The following SP3 variants were observed in gnomAD, a reference collection of about 807,000 sequenced individuals.
SP3 encodes the protein transcription factor Sp3.
A neutral mutation model predicts 70.3 loss-of-function variants in SP3; 10 were observed. The ratio of observed to expected loss-of-function variants is 0.14; its 90% CI spans 0.09 to 0.24. The LOEUF (loss-of-function observed/expected upper bound fraction) is 0.24, where lower values mean the gene tolerates loss of function less well. Ranked by LOEUF, SP3 falls within the 10% of genes least tolerant of loss-of-function variation. SP3 has a pLI of 1.00. For synonymous variants in SP3, 402 were observed against 333.5 expected (o/e 1.21, Z -2.24); for missense variants, 825 against 914.6 (o/e 0.90, Z 1.26).
chr2:173,956,924 T>TAC (rs1436137609), intron 3 of SP3, among the ~76,000 whole-genome samples: 1 of 152,176 alleles, frequency 6.6e-6, no homozygotes, highest in Non-Finnish European at 1.5e-5. Flanking sequence ...CAGTAGAATG[T>TAC]CTGGCATATA....
At chr2:173,915,301 T>C (rs542842073) in intron 5 of SP3, 2 of 152,248 alleles carry the variant, frequency 1.3e-5, no homozygotes, top group African/African-American at 4.8e-5. Context: ...CCCAAAATTC[T>C]ATTTAAAAAG....
intron 4 of SP3, among the ~76,000 whole-genome samples, chr2:173,930,019 G>A (rs1320663364): frequency 6.6e-6 from 1 of 152,138 alleles, no homozygotes; most frequent in Non-Finnish European, 1.5e-5. Context: ...CCATGAGACA[G>A]TGTGTCTATT....
chr2:173,923,975 C>G (rs1027289982), intron 4 of SP3, among the ~76,000 whole-genome samples: 1 of 151,682 alleles, frequency 6.6e-6, no homozygotes, highest in Non-Finnish European at 1.5e-5. Flanking sequence ...GGGGATAGTT[C>G]TAAATTATAG....
intron 6 of SP3, 52 bp from the exon 7 acceptor site, chr2:173,910,309 C>T (rs752461834): frequency 2.7e-6 from 4 of 1,471,698 alleles, no homozygotes; most frequent in Non-Finnish European, 3.8e-6. Flanking sequence ...ACTTTAATAG[C>T]TCAATCATCT....
chr2:173,964,770 T>G, intron 1 of SP3: 1 of 408,336 alleles, frequency 2.4e-6, no homozygotes, highest in Non-Finnish European at 4.3e-6. Flanking sequence ...CCTCCTCCTC[T>G]TTCCCTCCTC....
chr2:173,965,133 G>A lies in SP3; in HGVS notation c.7+32C>T, dbSNP rs760376194. 3.2e-5 allele frequency: 50 copies of A among 1,547,746 alleles called. No homozygotes were observed. The South Asian group carries it at 5.7e-4, about 18-fold the overall frequency. ...GTCGGCGGCAGCGGCGGCGGCGGCA[G>A]CAGCAAGGGTTGCTCTCTCGGCTTT... On this transcript the variant is annotated intron_variant, in intron 1 of 6. Transcript: ENST00000310015.
intron 4 of SP3, among the ~76,000 whole-genome samples, chr2:173,941,127 TAA>T (rs71021605): frequency 0.11 from 10,137 of 92,808 alleles, 538 homozygotes; most frequent in African/African-American, 0.21. Flanking sequence ...ACAACACGAG[TAA>T]AAAAAAAAAA....
At chr2:173,935,388 A>C (rs1195340552) in intron 4 of SP3, among the ~76,000 whole-genome samples, 1 of 152,204 alleles carries the variant, frequency 6.6e-6, no homozygotes, top group Non-Finnish European at 1.5e-5. Flanking sequence ...GAAAATAGTA[A>C]GACAAAACCA....
chr2:173,919,832 T>C (rs367914129), intron 4 of SP3, among the ~76,000 whole-genome samples: 49 of 152,250 alleles, frequency 3.2e-4, no homozygotes, highest in African/African-American at 4.6e-4. Context: ...ATATACCCTA[T>C]AGCTCAAACA....
At chr2:173,931,393 G>A (rs139961022) in intron 4 of SP3, among the ~76,000 whole-genome samples, 5,607 of 152,152 alleles carry the variant, frequency 0.037, 372 homozygotes, top group African/African-American at 0.13. Context: ...TCCCAGGCTG[G>A]AGTGCAGTGG....
At chr2:173,957,530 G>A (rs1201126567) in intron 3 of SP3, among the ~76,000 whole-genome samples, 1 of 152,118 alleles carries the variant, frequency 6.6e-6, no homozygotes, top group Non-Finnish European at 1.5e-5. Flanking sequence ...ATAATATGCA[G>A]TTTGGAGTTG....
At chr2:173,950,027 A>G (rs1416204256) in intron 4 of SP3, among the ~76,000 whole-genome samples, 5 of 152,182 alleles carry the variant, frequency 3.3e-5, no homozygotes, top group African/African-American at 1.2e-4. Context: ...CAGCAACGAT[A>G]AAGTAAAAAT....
At chr2:173,915,900 T>C (rs758106714) in intron 5 of SP3, 2 of 152,054 alleles carry the variant, frequency 1.3e-5, no homozygotes, top group Non-Finnish European at 2.9e-5. Context: ...ACAAATAAAA[T>C]TTACTTCTCT....
intron 4 of SP3, among the ~76,000 whole-genome samples, chr2:173,923,674 A>C (rs1689824196): frequency 6.6e-6 from 1 of 152,050 alleles, no homozygotes; most frequent in Non-Finnish European, 1.5e-5. Flanking sequence ...TGTGCCATTA[A>C]GATTTTGTTG....
chr2:173,921,996 C>T (rs561474881), intron 4 of SP3, among the ~76,000 whole-genome samples: 15 of 152,256 alleles, frequency 9.9e-5, no homozygotes, highest in African/African-American at 3.6e-4. Flanking sequence ...TTCTTGAGGC[C>T]TTCCCAGACC....
At chr2:173,945,978 T>C (rs1690523417) in intron 4 of SP3, among the ~76,000 whole-genome samples, 1 of 151,922 alleles carries the variant, frequency 6.6e-6, no homozygotes, top group African/African-American at 2.4e-5. Flanking sequence ...AACACAAAAA[T>C]TAGCCAGGCA....
rs1445242312 is a variant in SP3, at chr2:173,905,260, A to T, written c.*4681T>A. On this transcript the variant is annotated 3_prime_UTR_variant, in exon 7 of 7. Coordinates refer to ENST00000310015, the MANE Select transcript of SP3 (RefSeq NM_003111.5). ...CAGAAAAATGGAATCTCCAGAGTTA[A>T]GGGGGGAGGAAGGCATTGGAAGGAG... Among the ~76,000 whole-genome samples, 2 of 152,184 alleles carry T rather than the reference A, an allele frequency of 1.3e-5. No homozygotes were observed. The highest frequency in any genetic ancestry group is 2.9e-5 in the Non-Finnish European group (2 of 68,034).
At position 173,954,854 on chromosome 2, in the gene SP3, G is replaced by C. The variant is rs775775490; in HGVS notation, c.1639+19C>G. 6.3e-7 allele frequency: 1 copy of C among 1,599,866 alleles called. No individual in the cohort carries two copies. Among genetic ancestry groups the C allele is most frequent in the South Asian group, 1.1e-5 (1 of 90,318 alleles). ...TTATCACTGAACTTATTTATGGCAT[G>C]ACATAACTTAAGACTCACCTGCAGG... On this transcript the variant is annotated intron_variant, in intron 4 of 6. Coordinates refer to ENST00000310015, the MANE Select transcript of SP3 (RefSeq NM_003111.5).
rs1297739638 is a variant in SP3, at chr2:173,918,688, C to T, written c.1737G>A (p.Gln579=). The change falls in exon 5 of 7, where the codon CAG becomes CAA. Residue 579 remains glutamine (Q), a synonymous_variant. Transcript: ENST00000310015. ...GTTGGTCCCCTTCTTCATCTACCAC[C>T]TGTACTCTTAAGTGTGTTAGGTCAT... ...NTNDLTHLRV[Q]VVDEEGDQQH... is the part of the protein sequence containing the mutation. 4.3e-6 allele frequency: 7 copies of T among 1,613,844 alleles called. No individual in the cohort carries two copies. In the South Asian group the frequency reaches 7.7e-5, roughly 18 times the overall value.
Sources: allele counts gnomAD v4.1 joint callset (sites outside exome capture counted in the v4.1 genomes callset), GRCh38; gene constraint gnomAD v4.1.1; transcripts MANE v1.5; gene names NCBI Gene and HGNC (gene_info 2026-07-23, HGNC 2026-07-21).